Variants in TSHZ2 observed in about 807,000 individuals in gnomAD.
TSHZ2 encodes teashirt homolog 2.
Under a neutral mutation model 74.4 loss-of-function variants are expected in TSHZ2, and 21 were observed. That is an observed-to-expected ratio of 0.28 (90% CI 0.20 to 0.41). TSHZ2 has a LOEUF of 0.41. Ranked by LOEUF, TSHZ2 falls within the 10% of genes least tolerant of loss-of-function variation. The pLI, the probability that TSHZ2 is intolerant of heterozygous loss-of-function variation, is 1.00. For missense variants in TSHZ2, 1,244 were observed against 1,293.5 expected, an observed-to-expected ratio of 0.96 and a Z score of 0.59; for synonymous variants, 540 against 515.3, an observed-to-expected ratio of 1.05 and a Z score of -0.65.
chr20:53,075,354 GT>G (rs967969893), intron 1 of TSHZ2, among the ~76,000 whole-genome samples: 9 of 152,284 alleles, frequency 5.9e-5, no homozygotes, highest in African/African-American at 2.2e-4. Context: ...AAGATCTTGG[GT>G]TTTTCATTCA....
chr20:53,320,951 T>A (rs978812433), intron 2 of TSHZ2, among the ~76,000 whole-genome samples: 6 of 152,228 alleles, frequency 3.9e-5, no homozygotes, highest in African/African-American at 1.4e-4. Flanking sequence ...CCATGTACGA[T>A]AAACTTTTCT....
At chr20:53,092,850 C>A (rs567385776) in intron 1 of TSHZ2, among the ~76,000 whole-genome samples, 1 of 152,124 alleles carries the variant, frequency 6.6e-6, no homozygotes, top group African/African-American at 2.4e-5. Flanking sequence ...TGTAAAAGGG[C>A]AGTGGATATA....
rs1986418830 is a variant in TSHZ2 at position 53,490,527 on chromosome 20, G to T, written c.*3392G>T. ...CTGAAAAGCATACAGAGAGGAAACA[G>T]CTTAAAAATAGGTCAAGACCTAAAA... On this transcript the variant is annotated 3_prime_UTR_variant, in exon 3 of 3. Coordinates refer to ENST00000371497, the MANE Select transcript of TSHZ2 (RefSeq NM_173485.6). 6.6e-6 allele frequency: 1 copy of T among 152,172 alleles called. No homozygotes were observed. Among genetic ancestry groups the T allele is most frequent in the Non-Finnish European group, 1.5e-5 (1 of 68,030 alleles). The allele number at this position is 152,172 out of a possible 1,614,324, so 9.4% of individuals were successfully genotyped here.
At chr20:53,154,998 ATAGT>A (rs1226475905) in intron 1 of TSHZ2, among the ~76,000 whole-genome samples, 1 of 151,990 alleles carries the variant, frequency 6.6e-6, no homozygotes, top group Non-Finnish European at 1.5e-5. Context: ...TGAAAAAAAA[ATAGT>A]TAATATGTGT....
intron 2 of TSHZ2, among the ~76,000 whole-genome samples, chr20:53,457,016 G>C (rs1468578019): frequency 1.4e-5 from 1 of 71,622 alleles, no homozygotes; most frequent in Non-Finnish European, 2.5e-5. Context: ...TGTTCTTTTG[G>C]CTTAGGATTG....
intron 1 of TSHZ2, among the ~76,000 whole-genome samples, chr20:53,051,235 A>G (rs1984448091): frequency 6.6e-6 from 1 of 152,090 alleles, no homozygotes; most frequent in Non-Finnish European, 1.5e-5. Context: ...GCTACTTGGG[A>G]GGCTGAGGCA....
intron 2 of TSHZ2, among the ~76,000 whole-genome samples, chr20:53,296,003 G>A (rs1258378023): frequency 1.4e-5 from 2 of 147,332 alleles, no homozygotes; most frequent in African/African-American, 5.1e-5. Flanking sequence ...TGAAGTTGAA[G>A]GATTCATTAC....
chr20:53,369,737 A>C (rs1284186887), intron 2 of TSHZ2, among the ~76,000 whole-genome samples: 1 of 152,126 alleles, frequency 6.6e-6, no homozygotes, highest in Non-Finnish European at 1.5e-5. Flanking sequence ...TCCCTGAGGA[A>C]AAAACGACCT....
At chr20:53,421,611 T>C in intron 2 of TSHZ2, 1 of 201,176 alleles carries the variant, frequency 5.0e-6, no homozygotes, top group Non-Finnish European at 1.0e-5. Context: ...GGGCCAGGAA[T>C]GGCAAGACCA....
chr20:53,127,855 A>G (rs755109683), intron 1 of TSHZ2, among the ~76,000 whole-genome samples: 1 of 152,200 alleles, frequency 6.6e-6, no homozygotes, highest in African/African-American at 2.4e-5. Context: ...TTGAACCCTG[A>G]CTTGCTGGAT....
chr20:53,352,778 A>T (rs1158070292), intron 2 of TSHZ2, among the ~76,000 whole-genome samples: 1 of 94,872 alleles, frequency 1.1e-5, no homozygotes, highest in African/African-American at 5.8e-5. Context: ...TGTCTCAAAC[A>T]AAAAAAAAAA....
intron 1 of TSHZ2, among the ~76,000 whole-genome samples, chr20:53,087,271 A>T (rs1362790444): frequency 6.6e-6 from 1 of 152,176 alleles, no homozygotes; most frequent in African/African-American, 2.4e-5. Context: ...TTTCCAGGAG[A>T]TTCTTCAACT....
At chr20:52,989,614 AAAGGTG>A (rs1981901100) in intron 1 of TSHZ2, among the ~76,000 whole-genome samples, 1 of 152,218 alleles carries the variant, frequency 6.6e-6, no homozygotes, top group Non-Finnish European at 1.5e-5. Flanking sequence ...GAGAAGTTAA[AAAGGTG>A]ATACTTATTA....
chr20:53,319,996 G>T (rs1979185453), intron 2 of TSHZ2, among the ~76,000 whole-genome samples: 1 of 152,142 alleles, frequency 6.6e-6, no homozygotes, highest in African/African-American at 2.4e-5. Flanking sequence ...CCTTCTTCAT[G>T]AGAAAGCCCA....
chr20:53,316,913 T>C (rs1600807142), intron 2 of TSHZ2, among the ~76,000 whole-genome samples: 1 of 151,652 alleles, frequency 6.6e-6, no homozygotes, highest in South Asian at 2.1e-4. Context: ...GTTTCTTTTA[T>C]TTTTTTTTAA....
At chr20:53,182,746 A>C (rs563015006) in intron 1 of TSHZ2, among the ~76,000 whole-genome samples, 24 of 152,188 alleles carry the variant, frequency 1.6e-4, no homozygotes, top group Non-Finnish European at 1.3e-4. Context: ...CAGAATGTTT[A>C]AAGATGAGTG....
At chr20:53,345,566 C>T (rs1980405021) in intron 2 of TSHZ2, among the ~76,000 whole-genome samples, 1 of 152,154 alleles carries the variant, frequency 6.6e-6, no homozygotes, top group Non-Finnish European at 1.5e-5. Flanking sequence ...AACTACTTCA[C>T]TCTAGGAAAA....
chr20:53,143,027 TAAGAC>T (rs540541720), intron 1 of TSHZ2, among the ~76,000 whole-genome samples: 190 of 152,322 alleles, frequency 1.2e-3, no homozygotes, highest in African/African-American at 4.4e-3. Flanking sequence ...TTGCAACACT[TAAGAC>T]AAGTGTGTAG....
chr20:53,329,750 CT>C (rs570323778), intron 2 of TSHZ2, among the ~76,000 whole-genome samples: 142 of 152,104 alleles, frequency 9.3e-4, no homozygotes, highest in Middle Eastern at 3.4e-3. Flanking sequence ...AAGAAATCAG[CT>C]AAAAACAGCA....
Sources: gnomAD v4.1 joint callset for allele counts (sites outside exome capture counted in the v4.1 genomes callset) on GRCh38, gnomAD v4.1.1 for gene constraint, MANE v1.5 for transcripts, NCBI Gene and HGNC (gene_info 2026-07-23, HGNC 2026-07-21) for gene names.